Variants in NRBP1 observed in about 807,000 individuals in gnomAD.
NRBP1 encodes nuclear receptor-binding protein.
A neutral mutation model predicts 76.0 loss-of-function variants in NRBP1; 10 were observed. The observed-to-expected ratio is 0.13, with a 90% CI of 0.08 to 0.22. The LOEUF (loss-of-function observed/expected upper bound fraction) is 0.22, where lower values mean the gene tolerates loss of function less well. Ranked by LOEUF, NRBP1 falls within the 10% of genes least tolerant of loss-of-function variation. NRBP1 has a pLI of 1.00. For synonymous variants in NRBP1, 235 were observed against 240.2 expected (o/e 0.98, Z 0.20); for missense variants, 344 against 646.0 (o/e 0.53, Z 5.07).
At position 27,434,024 on chromosome 2, in the gene NRBP1, A is replaced by G. The variant is rs1029716612; in HGVS notation, c.369A>G (p.Gln123=). Residue 123 remains glutamine (Q), a synonymous_variant, in exon 4 of 18, where the codon CAA becomes CAG. Coordinates refer to ENST00000379852, the MANE Select transcript of NRBP1 (RefSeq NM_013392.4). ...GTGCTGTGTTTGATAATCTGATTCA[A>G]TTGGAGCATCTTAACATTGTTAAGT... ...KVRAVFDNLI[Q]LEHLNIVKFH... 1.9e-6 allele frequency: 3 copies of G among 1,614,084 alleles called. No homozygotes were observed. Among genetic ancestry groups the G allele is most frequent in the African/African-American group, 1.3e-5 (1 of 74,934 alleles).
At chr2:27,431,261 C>T (rs1207261723) in intron 1 of NRBP1, among the ~76,000 whole-genome samples, 12 of 152,166 alleles carry the variant, frequency 7.9e-5, no homozygotes, top group South Asian at 2.1e-4. Flanking sequence ...GATTGCACCA[C>T]GGCACTCCAG....
At position 27,440,393 on chromosome 2, in the gene NRBP1, T is replaced by C; in HGVS notation, c.1037-10T>C. The stretch of plus-strand genomic sequence containing the variant: ...CCCTTCATAATATCCCACTCCATCA[T>C]GCCCTCCAGACATGATCCCAGAGAA... On this transcript the variant is annotated splice_polypyrimidine_tract_variant and intron_variant, in intron 11 of 17. Transcript: ENST00000379852. 6.4e-7 allele frequency: 1 copy of C among 1,567,860 alleles called. No homozygotes were observed. The highest frequency in any genetic ancestry group is 8.8e-7 in the Non-Finnish European group (1 of 1,137,882).
chr2:27,440,606 T>A (rs1664501948), intron 12 of NRBP1, 46 bp from the exon 13 acceptor site: 1 of 1,612,268 alleles, frequency 6.2e-7, no homozygotes, highest in Non-Finnish European at 8.5e-7. Flanking sequence ...AATTTGCTAT[T>A]TTGCTTGTTT....
intron 11 of NRBP1, 194 bp from the exon 12 acceptor site, chr2:27,440,209 G>A (rs1168264451): frequency 1.4e-5 from 8 of 567,334 alleles, no homozygotes; most frequent in Middle Eastern, 4.8e-4. Flanking sequence ...ATGGGGTTTC[G>A]CCATGTTGGC....
intron 6 of NRBP1, 114 bp downstream of exon 6, chr2:27,434,876 A>G (rs941883612): frequency 4.4e-6 from 5 of 1,135,492 alleles, no homozygotes; most frequent in South Asian, 1.3e-5. Context: ...TCTTTGAATC[A>G]TATACTGTCA....
intron 13 of NRBP1, 45 bp downstream of exon 13, chr2:27,440,747 G>C: frequency 6.2e-7 from 1 of 1,614,138 alleles, no homozygotes; most frequent in East Asian, 2.2e-5. Flanking sequence ...AAGCAGGCGG[G>C]GTTGGGTATC....
chr2:27,437,498 T>G lies in NRBP1; in HGVS notation c.903+138T>G. 4.5e-6 allele frequency: 3 copies of G among 664,852 alleles called. No individual in the cohort carries two copies. The East Asian group carries it at 8.2e-5, about 18-fold the overall frequency. 41.2% of individuals were successfully genotyped at this position (664,852 alleles called of 1,614,324 possible). A position where few individuals can be genotyped will look rare whatever the true frequency, so the allele number is the denominator to read the frequency against. The stretch of plus-strand genomic sequence containing the variant: ...AGGACACGAAAAATCTATAAACATT[T>G]TCTTAGGAGGTGCCTACCATGTTTT... On this transcript the variant is annotated intron_variant, in intron 10 of 17. Coordinates refer to ENST00000379852, the MANE Select transcript of NRBP1 (RefSeq NM_013392.4).
chr2:27,435,789 C>G, intron 7 of NRBP1: 1 of 717,570 alleles, frequency 1.4e-6, no homozygotes. Flanking sequence ...GTTTGTGCTC[C>G]CTCTGCTCCC....
rs373251268 is a variant in NRBP1, at chr2:27,437,244, T to TA, written c.805-17dup. The TA allele has an allele frequency of 1.4e-5, 22 of 1,604,816 alleles. No individual in the cohort carries two copies. In the East Asian group the frequency reaches 4.2e-4, roughly 31 times the overall value. The stretch of plus-strand genomic sequence containing the variant: ...GTTCTTAGGTGTCTACTTTTTTTTT[T>TA]ATTCTTCCTCACTGAAGATGGCAGT... On this transcript the variant is annotated splice_polypyrimidine_tract_variant and intron_variant, in intron 9 of 17. Coordinates refer to ENST00000379852, the MANE Select transcript of NRBP1 (RefSeq NM_013392.4).
intron 10 of NRBP1, among the ~76,000 whole-genome samples, chr2:27,438,112 G>A (rs556557963): frequency 1.3e-5 from 2 of 150,510 alleles, no homozygotes; most frequent in South Asian, 2.1e-4. Flanking sequence ...CCCGGGAGGC[G>A]GAGATTGCAG....
At position 27,437,326 on chromosome 2, in the gene NRBP1, G is replaced by A. The variant is rs1353010281; in HGVS notation, c.869G>A (p.Ser290Asn). 2 of 1,613,840 alleles carry A rather than the reference G, an allele frequency of 1.2e-6. No homozygotes were observed. The highest frequency in any genetic ancestry group is 2.2e-5 in the East Asian group (1 of 44,886). The change falls in exon 10 of 18, where the codon AGT becomes AAT. Residue 290 changes from serine (S) to asparagine (N), a missense_variant. Ser to Asn is a conservative substitution (Grantham distance 46). Around this residue, in one of 3 missense-constraint regions of NRBP1, gnomAD observed 218 missense variants for 309.8 expected, o/e 0.70. Transcript: ENST00000379852. Reference protein sequence around the residue: ...SSYVPQEAISSAIQLLEDPLQ... With the variant: ...SSYVPQEAISNAIQLLEDPLQ... The stretch of plus-strand genomic sequence containing the variant: ...TATGTGCCACAGGAAGCCATCAGCA[G>A]TGCCATCCAGCTTCTAGAAGACCCA...
At chr2:27,440,732 TGAG>T in intron 13 of NRBP1, 30 bp downstream of exon 13, 1 of 1,614,146 alleles carries the variant, frequency 6.2e-7, no homozygotes, top group Non-Finnish European at 8.5e-7. Context: ...CAGGCTTTCT[TGAG>T]GAAGCAGGCG....
chr2:27,433,199 G>A, intron 1 of NRBP1, 55 bp from the exon 2 acceptor site: 3 of 1,284,324 alleles, frequency 2.3e-6, no homozygotes, highest in Non-Finnish European at 2.2e-6. Context: ...AATCTTTACA[G>A]ATGTATCCTG....
chr2:27,431,780 C>T (rs1356758681), intron 1 of NRBP1: 1 of 152,236 alleles, frequency 6.6e-6, no homozygotes, highest in Admixed American at 6.5e-5. Flanking sequence ...ACAGGTCTAG[C>T]CTTAAGGCTG....
intron 6 of NRBP1, 52 bp downstream of exon 6, chr2:27,434,814 C>T (rs77005271): frequency 0.11 from 174,150 of 1,548,850 alleles, 13,377 homozygotes; most frequent in Admixed American, 0.37. Context: ...GTAGTTACTC[C>T]AAACAGATTT....
intron 9 of NRBP1, 27 bp downstream of exon 9, chr2:27,437,132 A>G (rs1441470156): frequency 1.5e-5 from 24 of 1,608,048 alleles, no homozygotes; most frequent in Non-Finnish European, 1.6e-5. Flanking sequence ...GGAGGGGGGA[A>G]AGGGGTCAGA....
upstream of NRBP1, chr2:27,428,284 A>AG (rs1663940201): frequency 5.6e-6 from 1 of 177,880 alleles, no homozygotes; most frequent in African/African-American, 2.4e-5. Flanking sequence ...TCTCGGACTG[A>AG]GGCTATGTCT....
chr2:27,436,864 T>TC (rs750908053), intron 8 of NRBP1, 28 bp downstream of exon 8: 1 of 1,598,400 alleles, frequency 6.3e-7, no homozygotes, highest in Non-Finnish European at 8.6e-7. Context: ...CTCTGCCCTG[T>TC]CCTCATCCCC....
chr2:27,430,976 A>C (rs774702447), intron 1 of NRBP1, among the ~76,000 whole-genome samples: 5 of 152,174 alleles, frequency 3.3e-5, no homozygotes, highest in Non-Finnish European at 7.3e-5. Context: ...TTTTCCTATA[A>C]AAGTTGTACC....
Sources: allele counts gnomAD v4.1 joint callset (sites outside exome capture counted in the v4.1 genomes callset), GRCh38; gene constraint gnomAD v4.1.1; regional missense constraint gnomAD v4.1.1; transcripts MANE v1.5; gene names NCBI Gene and HGNC (gene_info 2026-07-23, HGNC 2026-07-21).